Variants in EFCAB6 observed in about 807,000 individuals in gnomAD.
EFCAB6 encodes the protein EF-hand calcium binding domain 6.
EFCAB6 carries 156 observed loss-of-function variants against 169.8 expected under a neutral mutation model. That is an observed-to-expected ratio of 0.92 (90% CI 0.81 to 1.05). EFCAB6 has a LOEUF of 1.05. EFCAB6 is among the 50% of genes least tolerant of loss of function. The pLI is 0.00. For missense variants in EFCAB6, 1,800 were observed against 1,829.1 expected, an observed-to-expected ratio of 0.98 and a Z score of 0.29; for synonymous variants, 698 against 676.4, an observed-to-expected ratio of 1.03 and a Z score of -0.50.
intron 24 of EFCAB6, among the ~76,000 whole-genome samples, chr22:43,586,026 C>T (rs1221600849): frequency 6.6e-6 from 1 of 152,006 alleles, no homozygotes; most frequent in Non-Finnish European, 1.5e-5. Flanking sequence ...AAAAGACATT[C>T]TTTAGAGAGA....
chr22:43,624,764 G>A (rs531304763), intron 20 of EFCAB6, among the ~76,000 whole-genome samples: 6 of 152,148 alleles, frequency 3.9e-5, no homozygotes, highest in South Asian at 2.1e-4. Flanking sequence ...CTGTTGTACC[G>A]TCTAGTCCTG....
chr22:43,725,986 G>C (rs1489521900), intron 8 of EFCAB6, among the ~76,000 whole-genome samples: 1 of 152,164 alleles, frequency 6.6e-6, no homozygotes, highest in Non-Finnish European at 1.5e-5. Context: ...ATAGGCTTTA[G>C]ACTGTGGTAC....
intron 10 of EFCAB6, among the ~76,000 whole-genome samples, chr22:43,702,659 C>G (rs2058810421): frequency 6.6e-6 from 1 of 152,134 alleles, no homozygotes; most frequent in Non-Finnish European, 1.5e-5. Flanking sequence ...GCTAGACCAT[C>G]TGGAGTCAGG....
At chr22:43,586,907 T>G (rs2051113373) in intron 24 of EFCAB6, among the ~76,000 whole-genome samples, 1 of 152,208 alleles carries the variant, frequency 6.6e-6, no homozygotes, top group African/African-American at 2.4e-5. Context: ...TGGCATAAAC[T>G]CCGAAGGACT....
At chr22:43,740,172 G>GT (rs1168913363) in intron 6 of EFCAB6, among the ~76,000 whole-genome samples, 1 of 152,146 alleles carries the variant, frequency 6.6e-6, no homozygotes, top group Non-Finnish European at 1.5e-5. Context: ...TCTTGGCCCA[G>GT]AAACGCCCTC....
chr22:43,542,065 C>T (rs1039536305), intron 27 of EFCAB6, among the ~76,000 whole-genome samples: 4 of 152,232 alleles, frequency 2.6e-5, no homozygotes, highest in African/African-American at 9.6e-5. Flanking sequence ...GGACGAGCCC[C>T]GTAGGGGAGG....
intron 19 of EFCAB6, among the ~76,000 whole-genome samples, chr22:43,631,874 C>T (rs867469702): frequency 1.1e-4 from 16 of 150,964 alleles, no homozygotes; most frequent in African/African-American, 4.0e-4. Context: ...TCAAAAGGGT[C>T]TCCTTAGCCT....
chr22:43,678,295 T>C, intron 12 of EFCAB6, 132 bp from the exon 13 acceptor site: 2 of 791,972 alleles, frequency 2.5e-6, no homozygotes, highest in Non-Finnish European at 3.9e-6. Flanking sequence ...GAAATGCAAA[T>C]ACATCGACTG....
chr22:43,673,921 C>T (rs1045476643), intron 13 of EFCAB6, among the ~76,000 whole-genome samples: 1 of 150,922 alleles, frequency 6.6e-6, no homozygotes, highest in Admixed American at 6.6e-5. Flanking sequence ...GAGCCGAGAT[C>T]GCGCCACTGC....
chr22:43,791,644 C>T (rs2062294208), intron 2 of EFCAB6, among the ~76,000 whole-genome samples: 1 of 151,958 alleles, frequency 6.6e-6, no homozygotes, highest in Non-Finnish European at 1.5e-5. Context: ...ATAAGGGCTT[C>T]GGTTTGAGTG....
chr22:43,595,118 A>G (rs561344060), intron 23 of EFCAB6, among the ~76,000 whole-genome samples: 1 of 152,268 alleles, frequency 6.6e-6, no homozygotes, highest in Non-Finnish European at 1.5e-5. Context: ...TATGGGATGC[A>G]GCAAAAGCAG....
chr22:43,550,180 G>C (rs1275069748), intron 27 of EFCAB6, among the ~76,000 whole-genome samples: 1 of 152,126 alleles, frequency 6.6e-6, no homozygotes, highest in African/African-American at 2.4e-5. Flanking sequence ...ACCTGGAGGA[G>C]CCTGGGGGGT....
chr22:43,711,743 G>C (rs1356798091), intron 9 of EFCAB6, 120 bp from the exon 10 acceptor site: 1 of 1,198,644 alleles, frequency 8.3e-7, no homozygotes, highest in Non-Finnish European at 1.1e-6. Context: ...TGATCAAAAA[G>C]GTTACTATGG....
At chr22:43,552,390 A>G (rs1231493764) in intron 27 of EFCAB6, 2 of 152,196 alleles carry the variant, frequency 1.3e-5, no homozygotes. Context: ...GTCATCCACA[A>G]TGGCTAAACT....
chr22:43,802,184 C>T (rs1036370194), intron 2 of EFCAB6, among the ~76,000 whole-genome samples: 22 of 152,032 alleles, frequency 1.4e-4, no homozygotes, highest in African/African-American at 5.1e-4. Flanking sequence ...CAACCAGCAC[C>T]GACATCCCAC....
chr22:43,650,893 G>A (rs1057389323), intron 17 of EFCAB6, among the ~76,000 whole-genome samples: 3 of 152,142 alleles, frequency 2.0e-5, no homozygotes, highest in African/African-American at 7.2e-5. Context: ...AGATGATTTA[G>A]GGTATCTGGC....
chr22:43,540,663 C>A, intron 27 of EFCAB6: 1 of 911,248 alleles, frequency 1.1e-6, no homozygotes, highest in South Asian at 1.7e-5. Flanking sequence ...AGTGCCTGAG[C>A]TGCAGTGTAT....
At chr22:43,695,325 A>G (rs1569404130) in intron 10 of EFCAB6, among the ~76,000 whole-genome samples, 1 of 152,060 alleles carries the variant, frequency 6.6e-6, no homozygotes. Flanking sequence ...TGTAAACAAT[A>G]AAACTTTGAC....
chr22:43,615,916 T>C lies in EFCAB6; in HGVS notation c.2472A>G (p.Lys824=). ...CTAGTTCTGAATCCGCAACCTTCTG[T>C]TTTGGTCTTAAAAGAAAAAAAATAA... ...DEAPQRLIRP[K]QKVADSELAC... Residue 824 remains lysine, a synonymous_variant, in exon 21 of 32, where the codon AAA becomes AAG. Transcript: ENST00000262726. The C allele has an allele frequency of 1.2e-6, 2 of 1,612,554 alleles. No homozygotes were observed. The highest frequency in any genetic ancestry group is 1.7e-6 in the Non-Finnish European group (2 of 1,179,626).
Sources: gnomAD v4.1 joint callset for allele counts (sites outside exome capture counted in the v4.1 genomes callset) on GRCh38, gnomAD v4.1.1 for gene constraint, MANE v1.5 for transcripts, NCBI Gene and HGNC (gene_info 2026-07-23, HGNC 2026-07-21) for gene names.